NID2: variants seen among roughly 807,000 people sequenced by gnomAD.
The protein encoded by NID2 is nidogen 2.
NID2 carries 83 observed loss-of-function variants against 145.4 expected under a neutral mutation model. That is an observed-to-expected ratio of 0.57 (90% CI 0.48 to 0.69). NID2 has a LOEUF of 0.69. Ranked by LOEUF, NID2 falls within the 30% of genes least tolerant of loss-of-function variation. NID2 has a pLI of 0.00. For synonymous variants in NID2, 739 were observed against 701.3 expected (o/e 1.05, Z -0.85); for missense variants, 1,807 against 1,765.7 (o/e 1.02, Z -0.42).
chr14:52,065,209 GCAAAGATGCCA>G (rs1893146018), intron 2 of NID2, among the ~76,000 whole-genome samples: 1 of 152,068 alleles, frequency 6.6e-6, no homozygotes, highest in Non-Finnish European at 1.5e-5. Context: ...GTTTTTAATG[GCAAAGATGCCA>G]TTGCTTTGAA....
At chr14:52,035,663 T>C (rs1892034381) in intron 9 of NID2, among the ~76,000 whole-genome samples, 1 of 151,234 alleles carries the variant, frequency 6.6e-6, no homozygotes, top group African/African-American at 2.4e-5. Flanking sequence ...GTTTTGTTTC[T>C]ACTACTATTT....
At chr14:52,039,042 T>A in intron 8 of NID2, 65 bp from the exon 9 acceptor site, 1 of 1,169,572 alleles carries the variant, frequency 8.6e-7, no homozygotes, top group Non-Finnish European at 1.2e-6. Context: ...GTGAGGTGGA[T>A]TTTTCTGCAG....
intron 9 of NID2, among the ~76,000 whole-genome samples, chr14:52,037,489 A>G (rs1312769190): frequency 2.0e-5 from 3 of 152,116 alleles, no homozygotes; most frequent in African/African-American, 7.2e-5. Context: ...TAATGTGAGT[A>G]TTTCTGGGTT....
chr14:52,065,396 GA>G (rs1893155367), intron 2 of NID2, among the ~76,000 whole-genome samples: 1 of 149,384 alleles, frequency 6.7e-6, no homozygotes, highest in Non-Finnish European at 1.5e-5. Context: ...TAAAATATTG[GA>G]AGAAACTTCA....
At chr14:52,013,211 TCCACTA>T (rs1277493965) in intron 16 of NID2, among the ~76,000 whole-genome samples, 4 of 152,150 alleles carry the variant, frequency 2.6e-5, no homozygotes, top group Non-Finnish European at 4.4e-5. Flanking sequence ...TTCTTTCAGT[TCCACTA>T]CCACTACCAT....
chr14:52,036,483 T>C (rs1032665173), intron 9 of NID2, among the ~76,000 whole-genome samples: 4 of 152,250 alleles, frequency 2.6e-5, no homozygotes, highest in African/African-American at 9.6e-5. Flanking sequence ...GAATAAGTTT[T>C]TGTGGGGATC....
At chr14:52,027,142 G>A in intron 12 of NID2, 59 bp downstream of exon 12, 3 of 1,414,220 alleles carry the variant, frequency 2.1e-6, no homozygotes, top group East Asian at 2.7e-5. Context: ...CTCCATCTAT[G>A]TGGGGATGTG....
intron 19 of NID2, 107 bp from the exon 20 acceptor site, chr14:52,006,767 C>T: frequency 4.0e-6 from 5 of 1,242,598 alleles, no homozygotes; most frequent in Non-Finnish European, 5.7e-6. Flanking sequence ...GGATATTTTA[C>T]TTCCATTACA....
chr14:52,023,460 AT>A (rs1891472561), intron 12 of NID2, among the ~76,000 whole-genome samples: 1 of 151,896 alleles, frequency 6.6e-6, no homozygotes, highest in Non-Finnish European at 1.5e-5. Context: ...GCCTAAAAAA[AT>A]AAATAAATAA....
intron 6 of NID2, 57 bp downstream of exon 6, chr14:52,042,725 G>A: frequency 6.4e-7 from 1 of 1,570,808 alleles, no homozygotes; most frequent in South Asian, 1.1e-5. Flanking sequence ...AGTGGTAGCT[G>A]GAAACAGGTA....
chr14:52,026,496 C>T (rs1307618079), intron 12 of NID2, among the ~76,000 whole-genome samples: 2 of 152,214 alleles, frequency 1.3e-5, no homozygotes, highest in African/African-American at 4.8e-5. Context: ...AATCTGATCA[C>T]ATACCACAGG....
intron 9 of NID2, among the ~76,000 whole-genome samples, chr14:52,030,587 A>G (rs1369515285): frequency 0.011 from 445 of 41,098 alleles, 29 homozygotes; most frequent in South Asian, 0.037. Flanking sequence ...GGAAAGAAAG[A>G]AAGAAAGAAA....
chr14:52,029,491 G>A (rs1891717841), intron 10 of NID2, 56 bp downstream of exon 10: 1 of 1,557,360 alleles, frequency 6.4e-7, no homozygotes, highest in African/African-American at 1.3e-5. Context: ...TAAGGCTGGG[G>A]AGGGCAGAGG....
chr14:52,054,627 G>A (rs570350282), intron 3 of NID2, among the ~76,000 whole-genome samples: 17 of 152,310 alleles, frequency 1.1e-4, no homozygotes, highest in African/African-American at 4.1e-4. Flanking sequence ...AGGGTCACTT[G>A]AGCCCAGCAG....
rs1338968199 is a variant in NID2, at chr14:52,020,173, C to G, written c.2680G>C (p.Asp894His). Residue 894 changes from aspartate to histidine, a missense_variant, in exon 13 of 22, where the codon GAT (aspartate) becomes CAT (histidine). Transcript: ENST00000216286. Reference protein sequence around the residue: ...AGDGHQCTDVDECSENRCHPA... With the variant: ...AGDGHQCTDVHECSENRCHPA... ...TGACATCTGTTTTCTGAGCATTCAT[C>G]TACATCTGCAGAGGTCAGAAACAGA... 3 of 1,613,742 alleles carry G rather than the reference C, an allele frequency of 1.9e-6. No homozygotes were observed. Among genetic ancestry groups the G allele is most frequent in the African/African-American group, 2.7e-5 (2 of 75,044 alleles).
intron 8 of NID2, among the ~76,000 whole-genome samples, chr14:52,040,249 T>C (rs980796810): frequency 3.0e-5 from 4 of 134,110 alleles, no homozygotes; most frequent in African/African-American, 5.9e-5. Flanking sequence ...CCTCTTTCTG[T>C]GATTTTTTTT....
At chr14:52,026,470 C>T (rs758737827) in intron 12 of NID2, among the ~76,000 whole-genome samples, 3 of 152,102 alleles carry the variant, frequency 2.0e-5, no homozygotes, top group Non-Finnish European at 2.9e-5. Flanking sequence ...GTGTGACTCA[C>T]GTGAAACTGA....
chr14:52,041,714 G>A (rs920119484), intron 7 of NID2, among the ~76,000 whole-genome samples: 1 of 151,820 alleles, frequency 6.6e-6, no homozygotes, highest in Admixed American at 6.6e-5. Flanking sequence ...GGAGCTGGGA[G>A]GAGAAGAGCA....
At chr14:52,038,301 T>A (rs998757524) in intron 9 of NID2, among the ~76,000 whole-genome samples, 3 of 152,228 alleles carry the variant, frequency 2.0e-5, no homozygotes, top group African/African-American at 7.2e-5. Flanking sequence ...TTGCTCCACC[T>A]TAGTTTTGGA....
Sources: gnomAD v4.1 joint callset for allele counts (sites outside exome capture counted in the v4.1 genomes callset) on GRCh38, gnomAD v4.1.1 for gene constraint, MANE v1.5 for transcripts, NCBI Gene and HGNC (gene_info 2026-07-23, HGNC 2026-07-21) for gene names.